The following SORCS3 variants were observed in gnomAD, a reference collection of about 807,000 sequenced individuals.
SORCS3 encodes the protein sortilin related VPS10 domain containing receptor 3.
SORCS3 carries 57 observed loss-of-function variants against 146.3 expected under a neutral mutation model. That is an observed-to-expected ratio of 0.39 (90% CI 0.31 to 0.49). The LOEUF (loss-of-function observed/expected upper bound fraction) is 0.49. SORCS3 is among the 20% of genes least tolerant of loss of function. SORCS3 has a pLI of 0.92. For synonymous variants in SORCS3, 653 were observed against 618.5 expected, an observed-to-expected ratio of 1.06 and a Z score of -0.83; for missense variants, 1,341 against 1,575.5, an observed-to-expected ratio of 0.85 and a Z score of 2.52.
intron 2 of SORCS3, among the ~76,000 whole-genome samples, chr10:104,857,880 C>G (rs1757951341): frequency 6.6e-6 from 1 of 152,152 alleles, no homozygotes; most frequent in South Asian, 2.1e-4. Flanking sequence ...TAAACTTATC[C>G]CATTTCATTC....
rs1164007267 is a variant in SORCS3, at chr10:104,896,515, G to A, written c.696-19318G>A. Among the ~76,000 whole-genome samples, 5 of 152,296 alleles carry A rather than the reference G, an allele frequency of 3.3e-5. No homozygotes were observed. In the South Asian group the frequency reaches 1.0e-3, roughly 32 times the overall value. ...GCAGATTTCGATCTGAGGGAAAAGC[G>A]GAGTGTTGGTGCTGCAAGGTCAGTG... On this transcript the variant is annotated intron_variant, in intron 2 of 26. Coordinates refer to ENST00000369701, the MANE Select transcript of SORCS3 (RefSeq NM_014978.3).
intron 4 of SORCS3, among the ~76,000 whole-genome samples, chr10:105,023,914 C>T (rs2055212110): frequency 6.6e-6 from 1 of 152,032 alleles, no homozygotes; most frequent in Admixed American, 6.6e-5. Context: ...ATGAAATTAT[C>T]AAACCGTAAA....
intron 1 of SORCS3, among the ~76,000 whole-genome samples, chr10:104,706,461 C>A (rs370418511): frequency 6.6e-6 from 1 of 152,080 alleles, no homozygotes; most frequent in Non-Finnish European, 1.5e-5. Flanking sequence ...CCCACCTCGG[C>A]CTCCCAAAGT....
rs112835633 is a variant in SORCS3 at position 104,667,417 on chromosome 10, T to G, written c.627+25463T>G. On this transcript the variant is annotated intron_variant, in intron 1 of 26. Transcript: ENST00000369701. ...TTCCTACTGATCTCTGATCTTCTCTTTCTCTAGACTATAAACTCCTCAAGA... is the reference window on the plus strand; with the variant it reads ...TTCCTACTGATCTCTGATCTTCTCTGTCTCTAGACTATAAACTCCTCAAGA... Among the ~76,000 whole-genome samples, 632 of 152,298 alleles carry G rather than the reference T, an allele frequency of 4.1e-3. 3 individuals carry two copies. The highest frequency in any genetic ancestry group is 0.015 in the African/African-American group (604 of 41,560).
chr10:105,246,461 A>G (rs2056867288), intron 21 of SORCS3, among the ~76,000 whole-genome samples: 1 of 152,094 alleles, frequency 6.6e-6, no homozygotes, highest in South Asian at 2.1e-4. Flanking sequence ...CATGTGCACA[A>G]CATGCAGGTT....
chr10:105,031,664 T>C (rs945869378), intron 4 of SORCS3, among the ~76,000 whole-genome samples: 4 of 152,210 alleles, frequency 2.6e-5, no homozygotes, highest in African/African-American at 9.6e-5. Context: ...TATTATTTCT[T>C]ACATTAAGCA....
chr10:104,733,891 G>T (rs991985511), intron 1 of SORCS3, among the ~76,000 whole-genome samples: 1 of 152,142 alleles, frequency 6.6e-6, no homozygotes, highest in African/African-American at 2.4e-5. Context: ...GGAACGAAAA[G>T]ATGGGGGTTA....
chr10:104,884,273 A>G (rs2133577919), intron 2 of SORCS3, among the ~76,000 whole-genome samples: 1 of 152,340 alleles, frequency 6.6e-6, no homozygotes, highest in East Asian at 1.9e-4. Flanking sequence ...TTTGTCACTC[A>G]GTTCACTCAT....
Position 105,090,436 on chromosome 10 carries a change from ACTT to A in SORCS3, c.1093+601_1093+603del, listed in dbSNP as rs1283774922. Reference sequence around the variant, plus strand: ...CGCTGTGTACCTTGTTCAGCTGTGTACTTCTTACACAAAATTGGACTGAAAAAG... The same window carrying A: ...CGCTGTGTACCTTGTTCAGCTGTGTACTTACACAAAATTGGACTGAAAAAG... On this transcript the variant is annotated intron_variant, in intron 6 of 26. Transcript: ENST00000369701. 2.6e-5 allele frequency among the ~76,000 whole-genome samples: 4 copies of A among 152,222 alleles called. No homozygotes were observed. In the East Asian group the frequency reaches 7.7e-4, roughly 29 times the overall value.
chr10:105,028,106 A>T (rs768735052), intron 4 of SORCS3, among the ~76,000 whole-genome samples: 4 of 152,058 alleles, frequency 2.6e-5, no homozygotes, highest in Admixed American at 2.6e-4. Flanking sequence ...AAATAATGAG[A>T]CTCAATTGTG....
intron 13 of SORCS3, among the ~76,000 whole-genome samples, chr10:105,177,296 T>C (rs546824958): frequency 2.2e-3 from 332 of 152,226 alleles, no homozygotes; most frequent in African/African-American, 7.7e-3. Context: ...ACTAAGGCTG[T>C]CTTGGGAAAG....
chr10:104,722,552 G>A (rs889048889), intron 1 of SORCS3, among the ~76,000 whole-genome samples: 6 of 152,286 alleles, frequency 3.9e-5, no homozygotes, highest in Admixed American at 3.9e-4. Context: ...CAGAAGGAAT[G>A]GTACCAGCCC....
At chr10:105,062,557 G>T (rs1169481625) in intron 5 of SORCS3, among the ~76,000 whole-genome samples, 1 of 152,210 alleles carries the variant, frequency 6.6e-6, no homozygotes, top group African/African-American at 2.4e-5. Flanking sequence ...ACCCGGTGTA[G>T]TGGGAGGGTG....
intron 3 of SORCS3, among the ~76,000 whole-genome samples, chr10:104,974,890 G>A (rs1564726212): frequency 6.6e-6 from 1 of 152,052 alleles, no homozygotes; most frequent in Non-Finnish European, 1.5e-5. Flanking sequence ...GGGCAGTCCT[G>A]GTGGTGACAA....
intron 2 of SORCS3, among the ~76,000 whole-genome samples, chr10:104,867,281 G>A (rs1353504057): frequency 1.3e-5 from 2 of 151,972 alleles, no homozygotes; most frequent in Admixed American, 1.3e-4. Context: ...TGGGATTAGG[G>A]TGAGGAAAGT....
rs806261 is a variant in SORCS3, at chr10:104,999,099, A to G, written c.954+21606A>G. ...CCCTCATGCTCCGTTGTAAAAGTGG[A>G]AAAGGAGAGAAAAAAATACATCATT... On this transcript the variant is annotated intron_variant, in intron 4 of 26. Coordinates refer to ENST00000369701, the MANE Select transcript of SORCS3 (RefSeq NM_014978.3). 8.6e-3 allele frequency among the ~76,000 whole-genome samples: 1,316 copies of G among 152,276 alleles called. 24 individuals are homozygous for G. The highest frequency in any genetic ancestry group is 0.031 in the African/African-American group (1,270 of 41,554).
At chr10:104,685,397 A>G (rs930104228) in intron 1 of SORCS3, among the ~76,000 whole-genome samples, 1 of 152,154 alleles carries the variant, frequency 6.6e-6, no homozygotes, top group Middle Eastern at 3.4e-3. Flanking sequence ...GGGACCATCT[A>G]CCAGTGTTCT....
intron 14 of SORCS3, among the ~76,000 whole-genome samples, chr10:105,183,030 T>C (rs2056452500): frequency 6.6e-6 from 1 of 152,038 alleles, no homozygotes; most frequent in African/African-American, 2.4e-5. Flanking sequence ...TTAGTTGCCG[T>C]TAGATATCAA....
intron 4 of SORCS3, among the ~76,000 whole-genome samples, chr10:105,042,764 C>T (rs779314360): frequency 1.2e-4 from 19 of 152,192 alleles, no homozygotes; most frequent in Non-Finnish European, 2.5e-4. Context: ...TTCCTGGGAG[C>T]ACAGAATCTG....
Sources: gnomAD v4.1 joint callset for allele counts (sites outside exome capture counted in the v4.1 genomes callset) on GRCh38, gnomAD v4.1.1 for gene constraint, MANE v1.5 for transcripts, NCBI Gene and HGNC (gene_info 2026-07-23, HGNC 2026-07-21) for gene names.